The following WT1 variants were observed in gnomAD, a reference collection of about 807,000 sequenced individuals.
WT1 encodes WT1 transcription factor.
WT1 carries 8 observed loss-of-function variants against 60.8 expected under a neutral mutation model. The observed-to-expected ratio is 0.13, with a 90% CI of 0.08 to 0.24. The LOEUF (loss-of-function observed/expected upper bound fraction) is 0.24, where lower values mean the gene tolerates loss of function less well. Ranked by LOEUF, WT1 falls within the 10% of genes least tolerant of loss-of-function variation. The probability of loss-of-function intolerance (pLI) is 1.00; values close to 1 mark genes in which losing one functional copy is unlikely to be tolerated. For synonymous variants in WT1, 312 were observed against 297.1 expected, an observed-to-expected ratio of 1.05 and a Z score of -0.52; for missense variants, 568 against 711.8, an observed-to-expected ratio of 0.80 and a Z score of 2.30.
chr11:32,410,680 T>G (rs1852469269), intron 5 of WT1, among the ~76,000 whole-genome samples: 1 of 152,246 alleles, frequency 6.6e-6, no homozygotes, highest in African/African-American at 2.4e-5. Context: ...GTGTGACTTT[T>G]ATAATCAAGG....
At chr11:32,414,772 C>G (rs2133024325) in intron 5 of WT1, among the ~76,000 whole-genome samples, 1 of 151,518 alleles carries the variant, frequency 6.6e-6, no homozygotes, top group South Asian at 2.1e-4. Flanking sequence ...ACTCAGGAGG[C>G]TGAGGCAGGA....
At chr11:32,408,560 A>G (rs1179964996) in intron 5 of WT1, among the ~76,000 whole-genome samples, 1 of 150,780 alleles carries the variant, frequency 6.6e-6, no homozygotes, top group Non-Finnish European at 1.5e-5. Flanking sequence ...AAGAAAAAAG[A>G]AAAGAAGGAA....
At chr11:32,415,809 G>A (rs1051357187) in intron 5 of WT1, among the ~76,000 whole-genome samples, 1 of 152,154 alleles carries the variant, frequency 6.6e-6, no homozygotes, top group African/African-American at 2.4e-5. Flanking sequence ...AAATTTGGGG[G>A]CGGGGGTGAG....
chr11:32,414,131 G>T (rs1233175784), intron 5 of WT1, among the ~76,000 whole-genome samples: 2 of 152,218 alleles, frequency 1.3e-5, no homozygotes, highest in African/African-American at 4.8e-5. Context: ...AGAGAAGATG[G>T]TAGGCAATTA....
chr11:32,400,996 T>G (rs369926933), intron 5 of WT1, among the ~76,000 whole-genome samples: 2 of 152,166 alleles, frequency 1.3e-5, no homozygotes, highest in African/African-American at 2.4e-5. Context: ...GAAATCCCAC[T>G]CTTAGGGATA....
Position 32,435,039 on chromosome 11 carries a change from C to T in WT1, c.322G>A (p.Ala108Thr), listed in dbSNP as rs1853459899. ...GGGGGCGCAAAGTCCAGCACCGGCG[C>T]CCACTGCGCCGCGCCGCTCACAGGC... The change falls in exon 1 of 10, where the codon GCG becomes ACG. Residue 108 changes from alanine to threonine, a missense_variant. Coordinates refer to ENST00000452863, the MANE Select transcript of WT1 (RefSeq NM_024426.6). 2 of 1,459,782 alleles carry T rather than the reference C, an allele frequency of 1.4e-6. No homozygotes were observed. Among genetic ancestry groups the T allele is most frequent in the Non-Finnish European group, 1.8e-6 (2 of 1,118,010 alleles). The allele number at this position is 1,459,782 out of a possible 1,614,324, so 90.4% of individuals were successfully genotyped here.
At chr11:32,420,886 G>A (rs2133048201) in intron 3 of WT1, among the ~76,000 whole-genome samples, 1 of 152,268 alleles carries the variant, frequency 6.6e-6, no homozygotes, top group South Asian at 2.1e-4. Flanking sequence ...AGCTTAGCCT[G>A]CAAACTCTCA....
chr11:32,412,560 G>T (rs568795797), intron 5 of WT1, among the ~76,000 whole-genome samples: 2 of 152,016 alleles, frequency 1.3e-5, no homozygotes, highest in South Asian at 2.1e-4. Flanking sequence ...GGTAGGAGAG[G>T]CTTGTTCGGA....
intron 3 of WT1, among the ~76,000 whole-genome samples, chr11:32,419,251 T>C (rs1852778240): frequency 6.6e-6 from 1 of 152,214 alleles, no homozygotes; most frequent in Non-Finnish European, 1.5e-5. Flanking sequence ...GAACTTTCTT[T>C]GGGCTGACAG....
intron 7 of WT1, among the ~76,000 whole-genome samples, chr11:32,393,708 C>T (rs1278897683): frequency 2.0e-5 from 3 of 152,240 alleles, no homozygotes; most frequent in Non-Finnish European, 4.4e-5. Flanking sequence ...CCTATCTCCA[C>T]ATCGAAAAGT....
chr11:32,429,471 C>G (rs980259029), intron 1 of WT1, among the ~76,000 whole-genome samples: 3 of 148,626 alleles, frequency 2.0e-5, no homozygotes, highest in African/African-American at 7.3e-5. Context: ...TTCCCCCCCC[C>G]CCCCAAAGTG....
intron 1 of WT1, among the ~76,000 whole-genome samples, chr11:32,432,327 C>T (rs934743689): frequency 6.6e-6 from 1 of 152,186 alleles, no homozygotes; most frequent in Non-Finnish European, 1.5e-5. Context: ...TTGCCTCTCA[C>T]AGCCCAAGTC....
chr11:32,434,644 G>T (rs1241867089), intron 1 of WT1, 56 bp downstream of exon 1: 1 of 1,610,792 alleles, frequency 6.2e-7, no homozygotes, highest in African/African-American at 1.3e-5. Context: ...GTCCTAGAGC[G>T]GAGAGTCCCT....
At chr11:32,407,986 G>T (rs1363060345) in intron 5 of WT1, among the ~76,000 whole-genome samples, 4 of 152,196 alleles carry the variant, frequency 2.6e-5, no homozygotes, top group Non-Finnish European at 5.9e-5. Context: ...ACTACGGGAG[G>T]CTGAGGCAGG....
intron 5 of WT1, among the ~76,000 whole-genome samples, chr11:32,412,315 G>C (rs946194421): frequency 6.6e-6 from 1 of 152,076 alleles, no homozygotes; most frequent in Non-Finnish European, 1.5e-5. Flanking sequence ...GCATCCACAG[G>C]TTGAATACTG....
chr11:32,392,807 C>A lies in WT1; in HGVS notation c.1265-52G>T, dbSNP rs869312745. ...AAAATGATACTGGAAAAGGGGATCT[C>A]ATTAAAGGCAACCTCTCCTACTAGG... On this transcript the variant is annotated intron_variant, in intron 7 of 9. Coordinates refer to ENST00000452863, the MANE Select transcript of WT1 (RefSeq NM_024426.6). 1 of 1,549,996 alleles carries A rather than the reference C, an allele frequency of 6.5e-7. No individual in the cohort carries two copies. Among genetic ancestry groups the A allele is most frequent in the South Asian group, 1.1e-5 (1 of 89,144 alleles).
At chr11:32,434,433 CTA>C (rs1475452144) in intron 1 of WT1, among the ~76,000 whole-genome samples, 2 of 152,258 alleles carry the variant, frequency 1.3e-5, no homozygotes, top group Non-Finnish European at 2.9e-5. Context: ...CTCTCGGACT[CTA>C]AGGGGCCCCA....
At position 32,427,975 on chromosome 11, in the gene WT1, G is replaced by A. The variant is rs1853114753; in HGVS notation, c.868C>T (p.Leu290=). The A allele has an allele frequency of 6.2e-7, 1 of 1,611,666 alleles. No homozygotes were observed. The highest frequency in any genetic ancestry group is 8.5e-7 in the Non-Finnish European group (1 of 1,179,168). The change falls in exon 3 of 10, where the codon CTG becomes TTG. Residue 290 remains leucine, a synonymous_variant. Transcript: ENST00000452863. ...TCCTACCTGCTGTAGGGCGTCCTCA[G>A]CAGCAAAGCCTGGCTGCCGGTGCAG... is the stretch of plus-strand genomic sequence containing the variant.
At position 32,417,731 on chromosome 11, in the gene WT1, T is replaced by C; in HGVS notation, c.888-77A>G. The C allele has an allele frequency of 3.0e-6, 4 of 1,318,766 alleles. No homozygotes were observed. The South Asian group carries it at 4.8e-5, about 16-fold the overall frequency. The allele number at this position is 1,318,766 out of a possible 1,614,324, so 81.7% of individuals were successfully genotyped here. A position where few individuals can be genotyped will look rare whatever the true frequency, so the allele number is the denominator to read the frequency against. On this transcript the variant is annotated intron_variant, in intron 3 of 9. Transcript: ENST00000452863. Reference sequence around the variant, plus strand: ...AACTGTTTCTTCAAAAGCAATGGAGTTTTAACTTTTCTTGAAAGTGCAAGC... The same window carrying C: ...AACTGTTTCTTCAAAAGCAATGGAGCTTTAACTTTTCTTGAAAGTGCAAGC...
Sources: allele counts gnomAD v4.1 joint callset (sites outside exome capture counted in the v4.1 genomes callset), GRCh38; gene constraint gnomAD v4.1.1; transcripts MANE v1.5; gene names NCBI Gene and HGNC (gene_info 2026-07-23, HGNC 2026-07-21).